Variants in POU6F2 observed in about 807,000 individuals in gnomAD.
The protein encoded by POU6F2 is POU class 6 homeobox 2.
A neutral mutation model predicts 71.3 loss-of-function variants in POU6F2; 31 were observed. That is an observed-to-expected ratio of 0.43 (90% CI 0.33 to 0.59). The LOEUF (loss-of-function observed/expected upper bound fraction) is 0.59. Among genes scored for constraint, POU6F2 ranks in the 20% least tolerant of loss-of-function variants. The pLI is 0.04. For synonymous variants in POU6F2, 347 were observed against 355.7 expected, an observed-to-expected ratio of 0.98 and a Z score of 0.27; for missense variants, 783 against 856.8, an observed-to-expected ratio of 0.91 and a Z score of 1.07.
At chr7:39,341,925 C>G (rs1785925988) in intron 5 of POU6F2, among the ~76,000 whole-genome samples, 1 of 152,216 alleles carries the variant, frequency 6.6e-6, no homozygotes, top group African/African-American at 2.4e-5. Flanking sequence ...GTTCTCCTAA[C>G]AGTTTCTCGT....
chr7:39,131,555 T>G (rs1048201130), intron 2 of POU6F2, among the ~76,000 whole-genome samples: 1 of 151,532 alleles, frequency 6.6e-6, no homozygotes, highest in Non-Finnish European at 1.5e-5. Context: ...TTCGGTCGAG[T>G]CGGAGGAGAA....
At chr7:39,193,049 T>A (rs1793703021) in intron 2 of POU6F2, among the ~76,000 whole-genome samples, 1 of 152,098 alleles carries the variant, frequency 6.6e-6, no homozygotes, top group African/African-American at 2.4e-5. Flanking sequence ...AGATTCTGAT[T>A]TGGCGGGTCT....
chr7:39,078,860 C>G (rs1791052221), intron 1 of POU6F2, among the ~76,000 whole-genome samples: 1 of 152,046 alleles, frequency 6.6e-6, no homozygotes, highest in African/African-American at 2.4e-5. Context: ...GAAATGAGTG[C>G]CTTGGTTCTA....
intron 2 of POU6F2, among the ~76,000 whole-genome samples, chr7:39,165,912 C>T (rs2128737778): frequency 6.6e-6 from 1 of 152,358 alleles, no homozygotes; most frequent in Non-Finnish European, 1.5e-5. Flanking sequence ...CCATGTAGTA[C>T]ATTGCAGCTC....
chr7:39,448,889 A>T (rs1301213084), intron 7 of POU6F2, among the ~76,000 whole-genome samples: 1 of 152,240 alleles, frequency 6.6e-6, no homozygotes, highest in Admixed American at 6.5e-5. Flanking sequence ...TTGACATGCA[A>T]ATATCCATCA....
chr7:39,426,469 CCAGAGAAACACT>C (rs1787974398), intron 6 of POU6F2, among the ~76,000 whole-genome samples: 1 of 152,102 alleles, frequency 6.6e-6, no homozygotes, highest in Non-Finnish European at 1.5e-5. Context: ...GATATTGAGC[CCAGAGAAACACT>C]CACACATCCT....
At chr7:39,163,278 A>G (rs1477351395) in intron 2 of POU6F2, among the ~76,000 whole-genome samples, 1 of 152,202 alleles carries the variant, frequency 6.6e-6, no homozygotes, top group Non-Finnish European at 1.5e-5. Flanking sequence ...TTTAATTCTC[A>G]TGTTTGAATC....
intron 4 of POU6F2, among the ~76,000 whole-genome samples, chr7:39,325,232 G>A (rs1785482785): frequency 6.6e-6 from 1 of 152,126 alleles, no homozygotes. Context: ...TTAAGAGACA[G>A]TATTATCATT....
At chr7:39,216,604 A>T (rs1446433594) in intron 4 of POU6F2, among the ~76,000 whole-genome samples, 1 of 152,136 alleles carries the variant, frequency 6.6e-6, no homozygotes, top group Non-Finnish European at 1.5e-5. Flanking sequence ...GTGATGGTTC[A>T]CTATTTGTGT....
At chr7:39,016,066 T>G (rs1789533555) in intron 1 of POU6F2, among the ~76,000 whole-genome samples, 1 of 65,418 alleles carries the variant, frequency 1.5e-5, no homozygotes, top group African/African-American at 5.6e-5. Context: ...TTATATATAA[T>G]ATATAGATAT....
At chr7:38,992,907 G>A (rs970867704) in intron 1 of POU6F2, among the ~76,000 whole-genome samples, 2 of 152,042 alleles carry the variant, frequency 1.3e-5, no homozygotes, top group Admixed American at 1.3e-4. Context: ...TAATACAAAA[G>A]GCCACAGAAG....
Position 39,433,431 on chromosome 7 carries a change from A to G in POU6F2, c.1320+148A>G, listed in dbSNP as rs772476039. On this transcript the variant is annotated intron_variant, in intron 7 of 9. Transcript: ENST00000518318. ...AACATATCGATACTTATAAAATGGC[A>G]TGTAACTCTTTTTCATTCTTAATGA... 131 of 833,088 alleles carry G rather than the reference A, an allele frequency of 1.6e-4. No homozygotes were observed. In the Middle Eastern group the frequency reaches 1.7e-3, roughly 11 times the overall value. 51.6% of individuals were successfully genotyped at this position (833,088 alleles called of 1,614,324 possible). A position where few individuals can be genotyped will look rare whatever the true frequency, so the allele number is the denominator to read the frequency against.
intron 4 of POU6F2, among the ~76,000 whole-genome samples, chr7:39,267,643 T>TA (rs938602133): frequency 1.5e-4 from 23 of 152,000 alleles, no homozygotes; most frequent in East Asian, 7.7e-4. Context: ...TTTATTTATT[T>TA]TTTTTTTTTA....
At chr7:39,419,050 TAC>T (rs1211353827) in intron 6 of POU6F2, among the ~76,000 whole-genome samples, 2 of 145,906 alleles carry the variant, frequency 1.4e-5, no homozygotes, top group African/African-American at 2.5e-5. Flanking sequence ...TATATATGTA[TAC>T]ACATATATAC....
rs1484771063 is a variant in POU6F2, at chr7:39,213,847, CCTTTGGCCACTGTTCT to C, written c.598+6236_598+6251del. 2.0e-5 allele frequency among the ~76,000 whole-genome samples: 3 copies of C among 152,206 alleles called. No homozygotes were observed. In the South Asian group the frequency reaches 6.2e-4, roughly 32 times the overall value. On this transcript the variant is annotated intron_variant, in intron 4 of 9. Transcript: ENST00000518318. ...TTGATTGGGTGTCTCTAGGGAAGCA[CCTTTGGCCACTGTTCT>C]CTTTGGCCCTTGGCCACACCCCTGG...
rs572242108 is a variant in POU6F2 at position 39,190,109 on chromosome 7, T to A, written c.278-14126T>A. Among the ~76,000 whole-genome samples, 232 of 151,884 alleles carry A rather than the reference T, an allele frequency of 1.5e-3. 1 individual carries two copies. Among genetic ancestry groups the A allele is most frequent in the African/African-American group, 5.5e-3 (226 of 41,436 alleles). ...TGGGGTTTTGCCATGTTGTCCAGGC[T>A]GGTCTCAATCTCCTGAGCTCAAGCG... is the stretch of plus-strand genomic sequence containing the variant. On this transcript the variant is annotated intron_variant, in intron 2 of 9. Coordinates refer to ENST00000518318, the MANE Select transcript of POU6F2 (RefSeq NM_001370959.1).
At chr7:39,136,437 G>A (rs1349531042) in intron 2 of POU6F2, among the ~76,000 whole-genome samples, 2 of 152,168 alleles carry the variant, frequency 1.3e-5, no homozygotes, top group Admixed American at 6.5e-5. Flanking sequence ...CCTAGGATAT[G>A]TGAATGTTCC....
intron 4 of POU6F2, among the ~76,000 whole-genome samples, chr7:39,234,478 T>C (rs991819681): frequency 1.1e-4 from 17 of 152,264 alleles, no homozygotes; most frequent in African/African-American, 4.1e-4. Context: ...CAATGAGTTA[T>C]TGGATTTAGT....
chr7:39,024,186 A>G (rs1789744838), intron 1 of POU6F2, among the ~76,000 whole-genome samples: 1 of 152,028 alleles, frequency 6.6e-6, no homozygotes, highest in Admixed American at 6.6e-5. Flanking sequence ...TTCATTGAGC[A>G]GTGGTTTGTA....
Sources: allele counts gnomAD v4.1 joint callset (sites outside exome capture counted in the v4.1 genomes callset), GRCh38; gene constraint gnomAD v4.1.1; transcripts MANE v1.5; gene names NCBI Gene and HGNC (gene_info 2026-07-23, HGNC 2026-07-21).